Variants in VTCN1 observed in about 807,000 individuals in gnomAD.
The protein encoded by VTCN1 is V-set domain containing T cell activation inhibitor 1, also known as V-set domain-containing T-cell activation inhibitor 1.
In VTCN1, 26 loss-of-function variants were observed where a neutral mutation model predicts 26.5. That is an observed-to-expected ratio of 0.98 (90% CI 0.72 to 1.36). The LOEUF is 1.36. VTCN1 is among the 40% of genes most tolerant of loss of function. The pLI is 0.00. For synonymous variants in VTCN1, 116 were observed against 130.7 expected (o/e 0.89, Z 0.77); for missense variants, 298 against 337.7 (o/e 0.88, Z 0.92).
Position 117,210,816 on chromosome 1 carries a change from T to A in VTCN1, c.32+8A>T. The A allele has an allele frequency of 6.2e-7, 1 of 1,613,932 alleles. No homozygotes were observed. The highest frequency in any genetic ancestry group is 8.5e-7 in the Non-Finnish European group (1 of 1,179,852). ...ACCCATAAGGATAGAGAGAAGAGTATATACTACCTCCAGAAGAGGATCTGC... is the reference window on the plus strand; with the variant it reads ...ACCCATAAGGATAGAGAGAAGAGTAAATACTACCTCCAGAAGAGGATCTGC... On this transcript the variant is annotated splice_region_variant and intron_variant, in intron 1 of 5. Coordinates refer to ENST00000369458, the MANE Select transcript of VTCN1 (RefSeq NM_024626.4).
chr1:117,146,959 G>T lies in VTCN1; in HGVS notation c.*45+654C>A, dbSNP rs1047875732. 2.0e-5 allele frequency among the ~76,000 whole-genome samples: 3 copies of T among 152,118 alleles called. No homozygotes were observed. The highest frequency in any genetic ancestry group is 1.9e-4 in the East Asian group (1 of 5,194). Reference sequence around the variant, plus strand: ...CACAGGGGAAAATGTGATAGGTAGGGGTTGATAAGAAATTGACATGCGGGA... The same window carrying T: ...CACAGGGGAAAATGTGATAGGTAGGTGTTGATAAGAAATTGACATGCGGGA... On this transcript the variant is annotated intron_variant, in intron 5 of 5. Coordinates refer to ENST00000369458, the MANE Select transcript of VTCN1 (RefSeq NM_024626.4). This position sits in a 1 kb window ranked among gnomAD's most constrained non-coding sequence, Gnocchi z 4.2.
chr1:117,148,689 A>C (rs1557858313), intron 4 of VTCN1, among the ~76,000 whole-genome samples: 1 of 152,230 alleles, frequency 6.6e-6, no homozygotes, highest in African/African-American at 2.4e-5. Context: ...AGTCCAATAA[A>C]TAACAGCCTC....
chr1:117,153,194 G>T lies in VTCN1; in HGVS notation c.621C>A (p.Thr207=). The stretch of plus-strand genomic sequence containing the variant: ...TGTAGAGCACAGACACAACCTTCAT[G>T]GTCACATTCTCAGAGTTCAGCTCAA... ...TSFELNSENV[T]MKVVSVLYNV... Residue 207 remains threonine (T), a synonymous_variant, in exon 4 of 6, where the codon ACC becomes ACA. Transcript: ENST00000369458. The T allele has an allele frequency of 6.2e-7, 1 of 1,614,142 alleles. No individual in the cohort carries two copies. The highest frequency in any genetic ancestry group is 8.5e-7 in the Non-Finnish European group (1 of 1,180,030).
intron 1 of VTCN1, among the ~76,000 whole-genome samples, chr1:117,179,558 G>A (rs4376721): frequency 1.3e-5 from 2 of 152,120 alleles, no homozygotes; most frequent in South Asian, 4.1e-4. Context: ...CAGAGCTCGC[G>A]GAGACTGGCC....
chr1:117,183,611 A>G lies in VTCN1; in HGVS notation c.33-13440T>C, dbSNP rs1427064147. Reference sequence around the variant, plus strand: ...AGATTCATAATAGCTGTGCTTGAATACTTGTTAAACTTGAGTCCTCTTGGA... The same window carrying G: ...AGATTCATAATAGCTGTGCTTGAATGCTTGTTAAACTTGAGTCCTCTTGGA... On this transcript the variant is annotated intron_variant, in intron 1 of 5. Transcript: ENST00000369458. The surrounding 1 kb of genome is among the most constrained non-coding windows in gnomAD (Gnocchi z 4.1). Among the ~76,000 whole-genome samples, 1 of 152,216 alleles carries G rather than the reference A, an allele frequency of 6.6e-6. No homozygotes were observed. Among genetic ancestry groups the G allele is most frequent in the East Asian group, 1.9e-4 (1 of 5,204 alleles).
chr1:117,157,278 T>C (rs1369049800), intron 2 of VTCN1, among the ~76,000 whole-genome samples: 1 of 151,968 alleles, frequency 6.6e-6, no homozygotes, highest in African/African-American at 2.4e-5. Flanking sequence ...CTTAGAAAAT[T>C]GGAGGTAACA....
At chr1:117,173,007 C>T (rs900534429) in intron 1 of VTCN1, among the ~76,000 whole-genome samples, 1 of 152,196 alleles carries the variant, frequency 6.6e-6, no homozygotes, top group East Asian at 1.9e-4. Context: ...TCGCTCTTCA[C>T]AGTAAATCTT....
At chr1:117,198,336 A>G (rs953336198) in intron 1 of VTCN1, among the ~76,000 whole-genome samples, 19 of 152,208 alleles carry the variant, frequency 1.2e-4, no homozygotes, top group African/African-American at 4.6e-4. Flanking sequence ...GTTATATGTG[A>G]ATGACAGACA....
intron 4 of VTCN1, among the ~76,000 whole-genome samples, chr1:117,149,657 A>T (rs1486159291): frequency 6.6e-6 from 1 of 152,208 alleles, no homozygotes; most frequent in Non-Finnish European, 1.5e-5. Flanking sequence ...CACTGTGATT[A>T]ACTTCTCTTT....
At chr1:117,148,064 A>G (rs1651608268) in intron 4 of VTCN1, among the ~76,000 whole-genome samples, 1 of 152,224 alleles carries the variant, frequency 6.6e-6, no homozygotes, top group African/African-American at 2.4e-5. Flanking sequence ...AGAATAGGCT[A>G]AACAAACAGC....
Position 117,161,648 on chromosome 1 carries a change from A to G in VTCN1, c.98-4727T>C, listed in dbSNP as rs1322592367. Among the ~76,000 whole-genome samples the G allele has an allele frequency of 6.6e-6, 1 of 152,232 alleles. No individual in the cohort carries two copies. Among genetic ancestry groups the G allele is most frequent in the African/African-American group, 2.4e-5 (1 of 41,448 alleles). On this transcript the variant is annotated intron_variant, in intron 2 of 5. Transcript: ENST00000369458. This position sits in a 1 kb window ranked among gnomAD's most constrained non-coding sequence, Gnocchi z 4.3. Reference sequence around the variant, plus strand: ...TATGAATAAATGAATAAATAAATGGAAATCAGTAGAAATCAAAGCATTGTT... The same window carrying G: ...TATGAATAAATGAATAAATAAATGGGAATCAGTAGAAATCAAAGCATTGTT...
At chr1:117,200,648 T>C (rs978603266) in intron 1 of VTCN1, among the ~76,000 whole-genome samples, 1 of 152,198 alleles carries the variant, frequency 6.6e-6, no homozygotes, top group African/African-American at 2.4e-5. Context: ...TTCCAAAGTT[T>C]GTGTTTAAGT....
rs1291639460 is a variant in VTCN1, at chr1:117,147,325, T to G, written c.*45+288A>C. Among the ~76,000 whole-genome samples, 2 of 152,216 alleles carry G rather than the reference T, an allele frequency of 1.3e-5. No individual in the cohort carries two copies. Among genetic ancestry groups the G allele is most frequent in the Non-Finnish European group, 2.9e-5 (2 of 68,026 alleles). ...CTCAGGGCTAAATATCTCTTTCTCT[T>G]CAATAAGTTATTTTGCCTTCATTGA... On this transcript the variant is annotated intron_variant, in intron 5 of 5. Coordinates refer to ENST00000369458, the MANE Select transcript of VTCN1 (RefSeq NM_024626.4). The surrounding 1 kb of genome is among the most constrained non-coding windows in gnomAD (Gnocchi z 4.6).
chr1:117,202,253 C>T (rs556548502), intron 1 of VTCN1, among the ~76,000 whole-genome samples: 41 of 152,164 alleles, frequency 2.7e-4, no homozygotes, highest in Non-Finnish European at 5.3e-4. Flanking sequence ...GTCCTTGTAC[C>T]TGACTACAGA....
chr1:117,173,597 T>C (rs1435604046), intron 1 of VTCN1, among the ~76,000 whole-genome samples: 1 of 152,242 alleles, frequency 6.6e-6, no homozygotes, highest in Non-Finnish European at 1.5e-5. Context: ...TGGTTTTCAG[T>C]ACTTTGTTAC....
intron 1 of VTCN1, chr1:117,172,530 T>C: frequency 2.0e-6 from 1 of 509,702 alleles, no homozygotes; most frequent in Non-Finnish European, 3.9e-6. Flanking sequence ...GTGTGTGGCC[T>C]AGGGTTTTCA....
intron 1 of VTCN1, among the ~76,000 whole-genome samples, chr1:117,191,277 G>A (rs1249198685): frequency 1.3e-5 from 2 of 152,180 alleles, no homozygotes; most frequent in Admixed American, 6.5e-5. Flanking sequence ...GAAGACTTTT[G>A]GGCCACCATC....
chr1:117,173,300 A>C (rs1299730427), intron 1 of VTCN1: 1 of 629,724 alleles, frequency 1.6e-6, no homozygotes, highest in Non-Finnish European at 2.9e-6. Flanking sequence ...AGAGTAGGGT[A>C]GTGGTTAATT....
intron 1 of VTCN1, among the ~76,000 whole-genome samples, chr1:117,171,463 C>A (rs1163245443): frequency 6.6e-6 from 1 of 152,214 alleles, no homozygotes; most frequent in African/African-American, 2.4e-5. Flanking sequence ...AATTTACACT[C>A]CTACCAACAG....
Sources: gnomAD v4.1 joint callset for allele counts (sites outside exome capture counted in the v4.1 genomes callset) on GRCh38, gnomAD v4.1.1 for gene constraint, Gnocchi (gnomAD v3.1) non-coding constraint, MANE v1.5 for transcripts, NCBI Gene and HGNC (gene_info 2026-07-23, HGNC 2026-07-21) for gene names.